RGS12: variants seen among roughly 807,000 people sequenced by gnomAD.
The protein encoded by RGS12 is regulator of G protein signaling 12.
Under a neutral mutation model 120.1 loss-of-function variants are expected in RGS12, and 66 were observed. The observed-to-expected ratio is 0.55, with a 90% CI of 0.45 to 0.67. The LOEUF is 0.67. RGS12 is among the 30% of genes least tolerant of loss of function. RGS12 has a pLI of 0.00. For missense variants in RGS12, 1,859 were observed against 1,957.7 expected, an observed-to-expected ratio of 0.95 and a Z score of 0.95; for synonymous variants, 827 against 804.7, an observed-to-expected ratio of 1.03 and a Z score of -0.47.
intron 11 of RGS12, 131 bp downstream of exon 11, chr4:3,422,701 C>T: frequency 8.7e-7 from 1 of 1,144,954 alleles, no homozygotes; most frequent in East Asian, 2.5e-5. Flanking sequence ...GGGGCGGAGG[C>T]CGGATTATCT....
In RGS12 at chr4:3,416,046, C is replaced by T. The variant is rs759748376; in HGVS notation, c.2352C>T (p.Ile784=). The T allele has an allele frequency of 1.5e-5, 24 of 1,613,902 alleles. No individual in the cohort carries two copies. Among genetic ancestry groups the T allele is most frequent in the African/African-American group, 5.3e-5 (4 of 74,910 alleles). The change falls in exon 7 of 18, where the codon ATC becomes ATT. Residue 784 remains isoleucine (I), a synonymous_variant. Transcript: ENST00000336727. ...GCAAAGCCACCACCCCGGTCAACAT[C>T]GACAGCCAGGCCCAGCTAGCAGACG... The part of the protein sequence containing the change: ...LCSKATTPVN[I]DSQAQLADDV...
At chr4:3,349,880 G>T (rs1366905287) in intron 3 of RGS12, among the ~76,000 whole-genome samples, 1 of 152,160 alleles carries the variant, frequency 6.6e-6, no homozygotes, top group Non-Finnish European at 1.5e-5. Flanking sequence ...ATATGGAAAT[G>T]ACTTAGACAT....
chr4:3,431,508 C>T (rs1027933286), intron 17 of RGS12: 5 of 987,092 alleles, frequency 5.1e-6, no homozygotes, highest in South Asian at 9.4e-5. Context: ...GTGGAGGTGA[C>T]GTCAGCAGCG....
chr4:3,396,879 A>G (rs1720094377), intron 4 of RGS12, among the ~76,000 whole-genome samples: 1 of 150,882 alleles, frequency 6.6e-6, no homozygotes, highest in African/African-American at 2.4e-5. Flanking sequence ...TGTTATCACA[A>G]GCCACATGCA....
At chr4:3,306,658 C>T (rs1346333669) in intron 1 of RGS12, among the ~76,000 whole-genome samples, 1 of 152,198 alleles carries the variant, frequency 6.6e-6, no homozygotes, top group African/African-American at 2.4e-5. Context: ...GATCACTGCA[C>T]AGGGCCTGGG....
rs755350242 is a variant in RGS12 at position 3,428,681 on chromosome 4, T to C, written c.3535T>C (p.Tyr1179His). 6.3e-7 allele frequency: 1 copy of C among 1,593,776 alleles called. No individual in the cohort carries two copies. Among genetic ancestry groups the C allele is most frequent in the Non-Finnish European group, 8.5e-7 (1 of 1,174,520 alleles). ...TATTGCAAAGATTGGGAAAAAAAAA[T>C]ATCAGAAAATTAATTTGGACGAAGC... ...ESIAKIGKKK[Y>H]QKINLDEAEE... Residue 1179 changes from tyrosine (Y) to histidine (H), a missense_variant, in exon 16 of 18, where the codon TAT (tyrosine) becomes CAT (histidine). By Grantham distance (83) the Tyr-to-His change is moderately conservative. Around this residue, in one of 3 missense-constraint regions of RGS12, gnomAD observed 517 missense variants for 488.5 expected, o/e 1.06. Coordinates refer to ENST00000336727, the MANE Select transcript of RGS12 (RefSeq NM_001394154.1).
chr4:3,393,672 T>C (rs1031127221), intron 4 of RGS12, among the ~76,000 whole-genome samples: 3 of 152,224 alleles, frequency 2.0e-5, no homozygotes, highest in Non-Finnish European at 4.4e-5. Flanking sequence ...TTCTGTCTTT[T>C]CCCGCAGGTT....
chr4:3,304,966 G>T (rs918658956), intron 1 of RGS12, among the ~76,000 whole-genome samples: 4 of 152,262 alleles, frequency 2.6e-5, no homozygotes, highest in African/African-American at 9.6e-5. Context: ...CCAGGGCTGT[G>T]CGATGAGGAT....
intron 1 of RGS12, among the ~76,000 whole-genome samples, chr4:3,293,841 G>T (rs1723201423): frequency 1.4e-5 from 2 of 146,106 alleles, no homozygotes; most frequent in Admixed American, 6.7e-5. Context: ...AGGGGGCCCA[G>T]AGCCGTGGAG....
chr4:3,436,101 G>A (rs1012610425), intron 17 of RGS12, among the ~76,000 whole-genome samples: 1 of 151,660 alleles, frequency 6.6e-6, no homozygotes, highest in African/African-American at 2.4e-5. Flanking sequence ...GATCCTGGCT[G>A]GGGACCCACA....
Position 3,439,460 on chromosome 4 carries a change from G to A in RGS12, c.4120G>A (p.Gly1374Arg), listed in dbSNP as rs750026524. Residue 1374 changes from glycine to arginine, a missense_variant, in exon 18 of 18, where the codon GGG becomes AGG. Coordinates refer to ENST00000336727, the MANE Select transcript of RGS12 (RefSeq NM_001394154.1). ...EVPGPSRPGS[G>R]THGSRDLPVN... ...TTCTCTTCTCCTTGTGACAGGAAGT[G>A]GGACCCATGGCAGCCGAGACCTCCC... The A allele has an allele frequency of 3.7e-6, 6 of 1,612,664 alleles. No homozygotes were observed. Among genetic ancestry groups the A allele is most frequent in the Non-Finnish European group, 5.1e-6 (6 of 1,179,902 alleles).
chr4:3,296,577 C>T (rs1398576269), intron 1 of RGS12, among the ~76,000 whole-genome samples: 1 of 152,226 alleles, frequency 6.6e-6, no homozygotes, highest in Non-Finnish European at 1.5e-5. Context: ...ATCCGTATTG[C>T]CGTATGGCTT....
chr4:3,438,252 C>G (rs1220887274), intron 17 of RGS12, among the ~76,000 whole-genome samples: 1 of 152,162 alleles, frequency 6.6e-6, no homozygotes, highest in Non-Finnish European at 1.5e-5. Flanking sequence ...GCCTCAGCCC[C>G]AGGCTCACTG....
intron 4 of RGS12, among the ~76,000 whole-genome samples, chr4:3,403,407 C>T (rs761560593): frequency 6.6e-6 from 1 of 152,162 alleles, no homozygotes; most frequent in South Asian, 2.1e-4. Flanking sequence ...GCCAGACTCA[C>T]GGTCAGCCCA....
intron 4 of RGS12, among the ~76,000 whole-genome samples, chr4:3,411,440 G>A (rs1212020961): frequency 6.6e-6 from 1 of 152,248 alleles, no homozygotes; most frequent in Non-Finnish European, 1.5e-5. Context: ...GTCTGTGTGT[G>A]TTCTCGTGTT....
At chr4:3,306,260 GA>G (rs1187239006) in intron 1 of RGS12, among the ~76,000 whole-genome samples, 1 of 152,242 alleles carries the variant, frequency 6.6e-6, no homozygotes, top group Non-Finnish European at 1.5e-5. Context: ...GAAGCGGAAG[GA>G]GGAGCTGGCT....
chr4:3,357,857 A>T (rs1362855420), intron 3 of RGS12, among the ~76,000 whole-genome samples: 1 of 152,030 alleles, frequency 6.6e-6, no homozygotes, highest in Non-Finnish European at 1.5e-5. Flanking sequence ...ATTCCAAGTG[A>T]ATTTTAGGAT....
At position 3,424,262 on chromosome 4, in the gene RGS12, TC is replaced by T. The variant is rs752946581; in HGVS notation, c.3234+623del. 2.8e-4 allele frequency among the ~76,000 whole-genome samples: 43 copies of T among 152,278 alleles called. 1 individual carries two copies. Among genetic ancestry groups the T allele is most frequent in the Admixed American group, 2.2e-3 (33 of 15,292 alleles). ...GGCACAGTGTCTGCCTAGTCTTCTT[TC>T]CTTGAAAACTTTATTGGAGCAATGA... On this transcript the variant is annotated intron_variant, in intron 13 of 17. Transcript: ENST00000336727.
chr4:3,339,124 C>A (rs1277500526), intron 2 of RGS12, among the ~76,000 whole-genome samples: 1 of 152,170 alleles, frequency 6.6e-6, no homozygotes, highest in Non-Finnish European at 1.5e-5. Flanking sequence ...CGTCAGACAT[C>A]CTTTCTTTTG....
Sources: allele counts gnomAD v4.1 joint callset (sites outside exome capture counted in the v4.1 genomes callset), GRCh38; gene constraint gnomAD v4.1.1; regional missense constraint gnomAD v4.1.1; transcripts MANE v1.5; gene names NCBI Gene and HGNC (gene_info 2026-07-23, HGNC 2026-07-21).